Variants in EPHA6 observed in about 807,000 individuals in gnomAD.
The protein encoded by EPHA6 is EPH receptor A6.
EPHA6 carries 50 observed loss-of-function variants against 112.0 expected under a neutral mutation model. The observed-to-expected ratio is 0.45, with a 90% CI of 0.36 to 0.56. The LOEUF (loss-of-function observed/expected upper bound fraction) is 0.56. Ranked by LOEUF, EPHA6 falls within the 20% of genes least tolerant of loss-of-function variation. The pLI, the probability that EPHA6 is intolerant of heterozygous loss-of-function variation, is 0.00. For missense variants in EPHA6, 1,280 were observed against 1,417.4 expected (o/e 0.90, Z 1.56); for synonymous variants, 529 against 490.7 (o/e 1.08, Z -1.03).
intron 14 of EPHA6, among the ~76,000 whole-genome samples, chr3:97,669,880 AC>A (rs2030624238): frequency 6.6e-6 from 1 of 152,190 alleles, no homozygotes; most frequent in African/African-American, 2.4e-5. Flanking sequence ...GTGTGAATTA[AC>A]AGCTGATGGA....
intron 11 of EPHA6, among the ~76,000 whole-genome samples, chr3:97,575,252 T>C (rs1253772146): frequency 6.6e-6 from 1 of 152,148 alleles, no homozygotes; most frequent in Non-Finnish European, 1.5e-5. Context: ...TATATAACTA[T>C]TCTAGATATA....
chr3:97,488,840 A>T (rs1339085944), intron 10 of EPHA6, among the ~76,000 whole-genome samples: 2 of 152,230 alleles, frequency 1.3e-5, no homozygotes, highest in African/African-American at 4.8e-5. Context: ...TGAGAATAAG[A>T]TCAACAACAG....
intron 11 of EPHA6, among the ~76,000 whole-genome samples, chr3:97,591,754 G>T (rs978193208): frequency 6.6e-6 from 1 of 152,152 alleles, no homozygotes; most frequent in Non-Finnish European, 1.5e-5. Context: ...CTCATATTCA[G>T]AGGATAGCAA....
chr3:97,603,994 G>A (rs1326368049), intron 12 of EPHA6, among the ~76,000 whole-genome samples: 6 of 151,700 alleles, frequency 4.0e-5, no homozygotes, highest in African/African-American at 1.5e-4. Flanking sequence ...TCAACATATA[G>A]CCATTCATTT....
chr3:97,681,404 A>G (rs1278287554), intron 14 of EPHA6, among the ~76,000 whole-genome samples: 3 of 152,120 alleles, frequency 2.0e-5, no homozygotes, highest in African/African-American at 7.2e-5. Flanking sequence ...AGACTTATGT[A>G]CCAGATATTG....
intron 3 of EPHA6, among the ~76,000 whole-genome samples, chr3:97,022,441 T>C (rs1003102434): frequency 2.0e-5 from 3 of 152,202 alleles, no homozygotes; most frequent in African/African-American, 7.2e-5. Flanking sequence ...AATGCCAATC[T>C]CAAATTATAC....
chr3:97,109,141 T>C (rs2047648349), intron 3 of EPHA6, among the ~76,000 whole-genome samples: 1 of 152,196 alleles, frequency 6.6e-6, no homozygotes, highest in African/African-American at 2.4e-5. Context: ...TTGATTCGGG[T>C]TATAAATATT....
intron 3 of EPHA6, among the ~76,000 whole-genome samples, chr3:96,997,634 A>G (rs1305002293): frequency 6.6e-6 from 1 of 152,004 alleles, no homozygotes; most frequent in Non-Finnish European, 1.5e-5. Flanking sequence ...TACACCCCCA[A>G]AATAGGGTAG....
chr3:97,498,390 CAG>C (rs2092034608), intron 10 of EPHA6, among the ~76,000 whole-genome samples: 1 of 150,930 alleles, frequency 6.6e-6, no homozygotes, highest in Admixed American at 6.6e-5. Flanking sequence ...TCTTGCTTGC[CAG>C]AGTTGTACGT....
intron 13 of EPHA6, among the ~76,000 whole-genome samples, chr3:97,625,220 T>C (rs1447770415): frequency 6.6e-5 from 10 of 151,636 alleles, no homozygotes; most frequent in Non-Finnish European, 1.5e-5. Flanking sequence ...ACGTGTGTCC[T>C]ACAAATTGTA....
chr3:96,968,420 T>A (rs963191084), intron 2 of EPHA6, among the ~76,000 whole-genome samples: 1 of 151,394 alleles, frequency 6.6e-6, no homozygotes, highest in Admixed American at 6.6e-5. Flanking sequence ...ACACACATTC[T>A]ATGTATTTTG....
At chr3:96,837,612 T>G (rs2034494369) in intron 1 of EPHA6, among the ~76,000 whole-genome samples, 1 of 151,152 alleles carries the variant, frequency 6.6e-6, no homozygotes, top group African/African-American at 2.5e-5. Flanking sequence ...CATGTTTCAA[T>G]AATATCTTAC....
chr3:97,151,592 A>G (rs2076173054), intron 3 of EPHA6, among the ~76,000 whole-genome samples: 1 of 152,040 alleles, frequency 6.6e-6, no homozygotes, highest in South Asian at 2.1e-4. Flanking sequence ...TGAGTTTAAC[A>G]CTATCTGGGT....
rs1411555919 is a variant in EPHA6, at chr3:96,845,623, T to C, written c.386-21202T>C. 2.6e-5 allele frequency among the ~76,000 whole-genome samples: 4 copies of C among 152,060 alleles called. No individual in the cohort carries two copies. In the East Asian group the frequency reaches 7.7e-4, roughly 29 times the overall value. ...TAAATGATGTATTTTTAATCTTTAC[T>C]TGCTAGGAAAACTAATGTGTTAATT... On this transcript the variant is annotated intron_variant, in intron 1 of 17. Transcript: ENST00000389672.
intron 9 of EPHA6, chr3:97,481,554 GGCGCGGC>G (rs2091548417): frequency 1.6e-5 from 11 of 709,424 alleles, no homozygotes; most frequent in East Asian, 3.1e-5. Flanking sequence ...GAGCCGCCGG[GGCGCGGC>G]GCGTCCGGCG....
At position 97,640,519 on chromosome 3, in the gene EPHA6, C is replaced by A. The variant is rs534843586; in HGVS notation, c.2784+2437C>A. The stretch of plus-strand genomic sequence containing the variant: ...GGTGGCTCGCGCCTGTTATCCCATC[C>A]CAGCACTTTGGGAAGCCGAGGGGAG... On this transcript the variant is annotated intron_variant, in intron 14 of 17. Transcript: ENST00000389672. Among the ~76,000 whole-genome samples, 33 of 152,178 alleles carry A rather than the reference C, an allele frequency of 2.2e-4. No homozygotes were observed. The South Asian group carries it at 6.7e-3, about 31-fold the overall frequency.
chr3:97,539,107 T>TTCCTTCCTTCCTTC (rs1560113433), intron 11 of EPHA6, among the ~76,000 whole-genome samples: 1 of 127,632 alleles, frequency 7.8e-6, no homozygotes, highest in African/African-American at 3.5e-5. Context: ...TTCCTTCCTT[T>TTCCTTCCTTCCTTC]CTTTCTTTCT....
chr3:97,524,731 G>A (rs991027090), intron 10 of EPHA6, among the ~76,000 whole-genome samples: 1 of 152,160 alleles, frequency 6.6e-6, no homozygotes, highest in Admixed American at 6.5e-5. Context: ...ATTTCTGAAG[G>A]ACTGTGTTGC....
chr3:97,608,723 T>G (rs727229), intron 12 of EPHA6, among the ~76,000 whole-genome samples: 47,872 of 150,956 alleles, frequency 0.32, 11,000 homozygotes, highest in African/African-American at 0.61. Context: ...GGAGACAGGA[T>G]TAAATAAATA....
Sources: allele counts gnomAD v4.1 joint callset (sites outside exome capture counted in the v4.1 genomes callset), GRCh38; gene constraint gnomAD v4.1.1; transcripts MANE v1.5; gene names NCBI Gene and HGNC (gene_info 2026-07-23, HGNC 2026-07-21).